HDAC4: variants seen among roughly 807,000 people sequenced by gnomAD.
HDAC4 encodes the protein histone deacetylase 4.
A neutral mutation model predicts 135.1 loss-of-function variants in HDAC4; 16 were observed. The observed-to-expected ratio is 0.12, with a 90% CI of 0.08 to 0.18. HDAC4 has a LOEUF of 0.18. HDAC4 is among the 10% of genes least tolerant of loss of function. The pLI is 1.00. For missense variants in HDAC4, 1,143 were observed against 1,511.8 expected, an observed-to-expected ratio of 0.76 and a Z score of 4.05; for synonymous variants, 685 against 653.4, an observed-to-expected ratio of 1.05 and a Z score of -0.74.
intron 9 of HDAC4, among the ~76,000 whole-genome samples, chr2:239,135,852 T>C (rs556584971): frequency 4.6e-4 from 70 of 152,286 alleles, no homozygotes; most frequent in African/African-American, 1.6e-3. Context: ...TTGTTTATGA[T>C]ACATTAAGTT....
rs1559352086 is a variant in HDAC4, at chr2:239,308,675, T to TC, written c.22+44002dup. On this transcript the variant is annotated intron_variant, in intron 2 of 26. Coordinates refer to ENST00000543185, the MANE Select transcript of HDAC4 (RefSeq NM_001378414.1). The surrounding 1 kb of genome is among the most constrained non-coding windows in gnomAD (Gnocchi z 4.2). ...AGTGTGGTTAACAGGCCTCCGGGTGTCCCCCCCTTCCAGCCCAGTGCAGGG... is the reference window on the plus strand; with the variant it reads ...AGTGTGGTTAACAGGCCTCCGGGTGTCCCCCCCCTTCCAGCCCAGTGCAGGG... 3.3e-5 allele frequency among the ~76,000 whole-genome samples: 5 copies of TC among 151,998 alleles called. No individual in the cohort carries two copies. Among genetic ancestry groups the TC allele is most frequent in the South Asian group, 4.2e-4 (2 of 4,816 alleles).
intron 3 of HDAC4, among the ~76,000 whole-genome samples, chr2:239,213,605 C>T (rs1347357417): frequency 2.0e-5 from 3 of 152,242 alleles, no homozygotes; most frequent in South Asian, 2.1e-4. Flanking sequence ...CGGAGAGTGG[C>T]CGGAGCCACT....
chr2:239,053,723 G>A (rs1256250177), intron 25 of HDAC4, 122 bp from the exon 26 acceptor site: 6 of 794,820 alleles, frequency 7.5e-6, no homozygotes, highest in Non-Finnish European at 1.2e-5. Context: ...GATTTTAAAA[G>A]CACCCGTCTT....
chr2:239,135,407 C>T (rs930157010), intron 9 of HDAC4, among the ~76,000 whole-genome samples: 18 of 152,114 alleles, frequency 1.2e-4, no homozygotes, highest in African/African-American at 3.9e-4. Flanking sequence ...GGACCAGTGA[C>T]GGCAGAGCTC....
At chr2:239,379,602 G>C (rs1695270392) in intron 1 of HDAC4, among the ~76,000 whole-genome samples, 1 of 152,108 alleles carries the variant, frequency 6.6e-6, no homozygotes, top group African/African-American at 2.4e-5. Flanking sequence ...TCCTGGCAGG[G>C]CCTCCCTAGC....
At chr2:239,129,307 G>A (rs1245032057) in intron 11 of HDAC4, among the ~76,000 whole-genome samples, 1 of 152,212 alleles carries the variant, frequency 6.6e-6, no homozygotes, top group Non-Finnish European at 1.5e-5. Flanking sequence ...GGATCCCTGA[G>A]ATCATTAACA....
chr2:239,053,898 C>T (rs1434159999), intron 25 of HDAC4, among the ~76,000 whole-genome samples: 1 of 152,100 alleles, frequency 6.6e-6, no homozygotes, highest in Admixed American at 6.5e-5. Context: ...CGCTCACGGG[C>T]CCCTTTCTGC....
chr2:239,233,617 G>A (rs1240523307), intron 3 of HDAC4, among the ~76,000 whole-genome samples: 1 of 152,174 alleles, frequency 6.6e-6, no homozygotes, highest in Non-Finnish European at 1.5e-5. Context: ...TATGAATAAT[G>A]CTTTTCTGTT....
intron 6 of HDAC4, among the ~76,000 whole-genome samples, chr2:239,163,427 C>T (rs987111005): frequency 7.2e-5 from 11 of 152,290 alleles, no homozygotes; most frequent in Middle Eastern, 3.4e-3. Flanking sequence ...GGACGGCCAC[C>T]GTGTGAGTGG....
At chr2:239,385,882 C>T (rs73106709) in intron 1 of HDAC4, among the ~76,000 whole-genome samples, 11,854 of 152,256 alleles carry the variant, frequency 0.078, 1,071 homozygotes, top group African/African-American at 0.22. Flanking sequence ...CCAAGACAGT[C>T]TCCTACAGCT....
rs150163848 is a variant in HDAC4 at position 239,294,712 on chromosome 2, TGCCTCGGAG to T, written c.22+57957_22+57965del. Among the ~76,000 whole-genome samples the T allele has an allele frequency of 4.6e-3, 694 of 152,026 alleles. 5 individuals are homozygous for T. Among genetic ancestry groups the T allele is most frequent in the African/African-American group, 0.015 (601 of 41,386 alleles). On this transcript the variant is annotated intron_variant, in intron 2 of 26. Coordinates refer to ENST00000543185, the MANE Select transcript of HDAC4 (RefSeq NM_001378414.1). ...TGGAAGGAAGGGGAGCAGGTGGGCC[TGCCTCGGAG>T]GCCTCGGAGGCAGCACAGCCCACCC...
At chr2:239,116,055 C>G (rs1023760224) in intron 12 of HDAC4, among the ~76,000 whole-genome samples, 2 of 152,172 alleles carry the variant, frequency 1.3e-5, no homozygotes, top group Admixed American at 6.5e-5. Flanking sequence ...TTGGATCTCA[C>G]GGACGCTTCT....
intron 6 of HDAC4, 128 bp downstream of exon 6, chr2:239,163,675 G>C: frequency 3.1e-6 from 3 of 979,282 alleles, no homozygotes; most frequent in Non-Finnish European, 4.9e-6. Flanking sequence ...CTGTGCTTGG[G>C]GTTTCAATTC....
rs1271172214 is a variant in HDAC4 at position 239,346,826 on chromosome 2, CCA to C, written c.22+5850_22+5851del. 1.5e-3 allele frequency among the ~76,000 whole-genome samples: 211 copies of C among 139,346 alleles called. 3 individuals carry two copies. Among genetic ancestry groups the C allele is most frequent in the Middle Eastern group, 4.3e-3 (1 of 230 alleles). 91.4% of individuals were successfully genotyped at this position (139,346 alleles called of 152,430 possible). A position where few individuals can be genotyped will look rare whatever the true frequency, so the allele number is the denominator to read the frequency against. On this transcript the variant is annotated intron_variant, in intron 2 of 26. Transcript: ENST00000543185. ...ACACCCTGTCTAAAACACACACACA[CCA>C]CCTAACACACACACCCTGTCTCACA...
At chr2:239,137,473 G>A (rs955702035) in intron 9 of HDAC4, among the ~76,000 whole-genome samples, 13 of 151,678 alleles carry the variant, frequency 8.6e-5, no homozygotes, top group African/African-American at 2.7e-4. Context: ...AGGAGGTGCC[G>A]GCACTCTGGG....
At chr2:239,388,110 C>G (rs971650523) in intron 1 of HDAC4, among the ~76,000 whole-genome samples, 14 of 152,166 alleles carry the variant, frequency 9.2e-5, no homozygotes, top group African/African-American at 2.9e-4. Flanking sequence ...CTCCCTGAAG[C>G]CGAGGGAGGC....
chr2:239,229,776 C>G (rs1020850308), intron 3 of HDAC4, among the ~76,000 whole-genome samples: 1 of 152,080 alleles, frequency 6.6e-6, no homozygotes, highest in Non-Finnish European at 1.5e-5. Flanking sequence ...CGGAGATTCT[C>G]GTTATGTGGA....
rs139504568 is a variant in HDAC4 at position 239,066,126 on chromosome 2, G to A, written c.3003+596C>T. Among the ~76,000 whole-genome samples the A allele has an allele frequency of 3.7e-3, 569 of 152,326 alleles. 7 individuals are homozygous for A. Among genetic ancestry groups the A allele is most frequent in the Admixed American group, 3.8e-3 (58 of 15,308 alleles). Reference sequence around the variant, plus strand: ...CATGCTGGAATGGAACGCTGCAGGTGGCGCTCTCACCCCGAGCCCGTGGAA... The same window carrying A: ...CATGCTGGAATGGAACGCTGCAGGTAGCGCTCTCACCCCGAGCCCGTGGAA... On this transcript the variant is annotated intron_variant, in intron 24 of 26. Coordinates refer to ENST00000543185, the MANE Select transcript of HDAC4 (RefSeq NM_001378414.1).
Position 239,126,436 on chromosome 2 carries a change from C to T in HDAC4, c.1533+20G>A, listed in dbSNP as rs778693265. 14 of 1,613,054 alleles carry T rather than the reference C, an allele frequency of 8.7e-6. No individual in the cohort carries two copies. Among genetic ancestry groups the T allele is most frequent in the East Asian group, 2.2e-5 (1 of 44,902 alleles). ...ACACAGCCGCCCTGGGGCCTGGGAG[C>T]GCTGAGCCGGCAAACCCACCTTGTT... On this transcript the variant is annotated intron_variant, in intron 12 of 26. Coordinates refer to ENST00000543185, the MANE Select transcript of HDAC4 (RefSeq NM_001378414.1).
Sources: gnomAD v4.1 joint callset for allele counts (sites outside exome capture counted in the v4.1 genomes callset) on GRCh38, gnomAD v4.1.1 for gene constraint, Gnocchi (gnomAD v3.1) non-coding constraint, MANE v1.5 for transcripts, NCBI Gene and HGNC (gene_info 2026-07-23, HGNC 2026-07-21) for gene names.